The following HERC2 variants were observed in gnomAD, a reference collection of about 807,000 sequenced individuals.
The protein encoded by HERC2 is E3 ubiquitin-protein ligase HERC2.
In HERC2, 102 loss-of-function variants were observed where a neutral mutation model predicts 537.7. The ratio of observed to expected loss-of-function variants is 0.19; its 90% CI spans 0.16 to 0.22. HERC2 has a LOEUF of 0.22. HERC2 is among the 10% of genes least tolerant of loss of function. The probability of loss-of-function intolerance (pLI) is 1.00; values close to 1 mark genes in which losing one functional copy is unlikely to be tolerated. For synonymous variants in HERC2, 2,224 were observed against 2,466.2 expected, an observed-to-expected ratio of 0.90 and a Z score of 2.91; for missense variants, 4,236 against 6,198.2, an observed-to-expected ratio of 0.68 and a Z score of 10.63.
intron 78 of HERC2, among the ~76,000 whole-genome samples, chr15:28,138,704 T>C (rs999258825): frequency 4.6e-5 from 7 of 152,252 alleles, no homozygotes; most frequent in Non-Finnish European, 8.8e-5. Context: ...TAACACATCA[T>C]TTTTTCTGCA....
rs747902035 is a variant in HERC2 at position 28,167,842 on chromosome 15, C to T, written c.10414-15G>A. 4.4e-6 allele frequency: 7 copies of T among 1,596,608 alleles called. No homozygotes were observed. The highest frequency in any genetic ancestry group is 2.2e-5 in the East Asian group (1 of 44,674). ...GAGGAAACAATCTAGTCCAAGAGTG[C>T]ACAGTAGGGGAAGTTTAAGTGGAAA... On this transcript the variant is annotated splice_polypyrimidine_tract_variant and intron_variant, in intron 67 of 92. Transcript: ENST00000261609.
intron 51 of HERC2, 37 bp downstream of exon 51, chr15:28,196,424 T>A: frequency 6.3e-7 from 1 of 1,576,836 alleles, no homozygotes; most frequent in Non-Finnish European, 8.7e-7. Flanking sequence ...AAACCATTCG[T>A]CCCAAAGCAA....
rs746750721 is a variant in HERC2, at chr15:28,213,864, G to C, written c.6664C>G (p.Gln2222Glu). The change falls in exon 42 of 93, where the codon CAA becomes GAA. Residue 2222 changes from glutamine to glutamate, a missense_variant. Gln to Glu is a conservative substitution (Grantham distance 29). Coordinates refer to ENST00000261609, the MANE Select transcript of HERC2 (RefSeq NM_004667.6). ...GIDGRLRLGG[Q>E]VMHDEFGEGT... Reference sequence around the variant, plus strand: ...TCTCCAAACTCATCGTGCATAACTTGACCGCCCAGGCGCAGGCGACCATCG... The same window carrying C: ...TCTCCAAACTCATCGTGCATAACTTCACCGCCCAGGCGCAGGCGACCATCG... 15 of 1,613,868 alleles carry C rather than the reference G, an allele frequency of 9.3e-6. No individual in the cohort carries two copies. The highest frequency in any genetic ancestry group is 1.3e-5 in the Non-Finnish European group (15 of 1,179,952).
chr15:28,185,779 T>C (rs1204133493), intron 56 of HERC2, among the ~76,000 whole-genome samples: 1 of 152,230 alleles, frequency 6.6e-6, no homozygotes, highest in Non-Finnish European at 1.5e-5. Context: ...AATGCTCCAA[T>C]GCAGACTCTC....
intron 2 of HERC2, among the ~76,000 whole-genome samples, chr15:28,306,677 C>T (rs1304957997): frequency 6.6e-6 from 1 of 152,180 alleles, no homozygotes; most frequent in African/African-American, 2.4e-5. Context: ...TGGTAAAATT[C>T]AGCAGTGAAG....
At chr15:28,282,976 CG>C (rs1277723805) in intron 4 of HERC2, among the ~76,000 whole-genome samples, 2 of 112,594 alleles carry the variant, frequency 1.8e-5, no homozygotes, top group Non-Finnish European at 3.2e-5. Flanking sequence ...AGGGATGGGA[CG>C]GGACGGGACT....
chr15:28,112,440 C>A (rs1381317003), intron 92 of HERC2, among the ~76,000 whole-genome samples: 1 of 152,214 alleles, frequency 6.6e-6, no homozygotes, highest in Non-Finnish European at 1.5e-5. Flanking sequence ...GAATTACTGA[C>A]CTTCTAAGAT....
chr15:28,157,834 G>A (rs574718930), intron 69 of HERC2, among the ~76,000 whole-genome samples: 4 of 152,212 alleles, frequency 2.6e-5, no homozygotes, highest in African/African-American at 9.6e-5. Context: ...TGTGATGTTA[G>A]GGTGTCAATT....
chr15:28,305,212 G>C (rs983831024), intron 2 of HERC2, among the ~76,000 whole-genome samples: 1 of 149,108 alleles, frequency 6.7e-6, no homozygotes, highest in Non-Finnish European at 1.5e-5. Flanking sequence ...ATGATTTATA[G>C]TCATTTGGGT....
chr15:28,175,565 C>T lies in HERC2; in HGVS notation c.9778G>A (p.Val3260Met), dbSNP rs1274471506. 16 of 1,614,072 alleles carry T rather than the reference C, an allele frequency of 9.9e-6. No individual in the cohort carries two copies. The highest frequency in any genetic ancestry group is 2.2e-5 in the East Asian group (1 of 44,880). Reference sequence around the variant, plus strand: ...TGCAGGGCCCCGACAGCCACATGCACGATCTTCTTCCCTCTCAGCCCTTCC... The same window carrying T: ...TGCAGGGCCCCGACAGCCACATGCATGATCTTCTTCCCTCTCAGCCCTTCC... ...VVEGLRGKKI[V>M]HVAVGALHCL... The change falls in exon 64 of 93, where the codon GTG becomes ATG. Residue 3260 changes from valine (V) to methionine (M), a missense_variant. By Grantham distance (21) the Val-to-Met change is conservative. This residue lies in a region of HERC2 where 93 missense variants were observed against 265.1 expected (regional missense o/e 0.35). Transcript: ENST00000261609.
chr15:28,250,938 C>T (rs2075055848), intron 20 of HERC2, among the ~76,000 whole-genome samples: 1 of 152,154 alleles, frequency 6.6e-6, no homozygotes, highest in Non-Finnish European at 1.5e-5. Context: ...TGTGTCTATT[C>T]TTTTTATTTT....
At chr15:28,316,986 A>G (rs557655869) in intron 2 of HERC2, among the ~76,000 whole-genome samples, 4 of 152,186 alleles carry the variant, frequency 2.6e-5, no homozygotes, top group Admixed American at 1.3e-4. Flanking sequence ...CATGTTGGCC[A>G]GGATGACCTC....
chr15:28,292,802 C>T lies in HERC2; in HGVS notation c.322+86G>A. On this transcript the variant is annotated intron_variant, in intron 4 of 92. Coordinates refer to ENST00000261609, the MANE Select transcript of HERC2 (RefSeq NM_004667.6). ...TATTTACTTTTTTTAAAATTGTTAC[C>T]AAAAAAATACTAAGAATCCATCCAA... is the stretch of plus-strand genomic sequence containing the variant. 6 of 1,341,814 alleles carry T rather than the reference C, an allele frequency of 4.5e-6. No homozygotes were observed. In the South Asian group the frequency reaches 5.3e-5, roughly 12 times the overall value. 83.1% of individuals were successfully genotyped at this position (1,341,814 alleles called of 1,614,324 possible). A position where few individuals can be genotyped will look rare whatever the true frequency, so the allele number is the denominator to read the frequency against.
chr15:28,310,889 A>C (rs1376859377), intron 2 of HERC2, among the ~76,000 whole-genome samples: 1 of 151,978 alleles, frequency 6.6e-6, no homozygotes, highest in Non-Finnish European at 1.5e-5. Context: ...CATCCCGGCT[A>C]ACACAGCGAA....
intron 35 of HERC2, among the ~76,000 whole-genome samples, chr15:28,225,559 G>A (rs777065519): frequency 2.0e-4 from 31 of 151,872 alleles, no homozygotes; most frequent in South Asian, 4.1e-4. Context: ...TTAGCTGGGC[G>A]TGGTGGCGCG....
In HERC2 at chr15:28,182,429, T is replaced by C; in HGVS notation, c.8909A>G (p.Asp2970Gly). ...GGAGCCTTTCAGCCCGCCCAGCTGG[T>C]CCTTGTCATTCAGGCCCCACACAAA... ...KVFVWGLNDK[D>G]QLGGLKGSKI... Residue 2970 changes from aspartate (D) to glycine (G), a missense_variant, in exon 57 of 93, where the codon GAC becomes GGC. This residue lies in a region of HERC2 where 606 missense variants were observed against 884.5 expected (regional missense o/e 0.69). Transcript: ENST00000261609. The C allele has an allele frequency of 1.2e-6, 2 of 1,613,692 alleles. No homozygotes were observed. Among genetic ancestry groups the C allele is most frequent in the Non-Finnish European group, 1.7e-6 (2 of 1,179,924 alleles).
intron 2 of HERC2, among the ~76,000 whole-genome samples, chr15:28,308,648 T>G (rs2076857778): frequency 6.6e-6 from 1 of 152,256 alleles, no homozygotes; most frequent in Admixed American, 6.5e-5. Context: ...GGAAAGACTT[T>G]CAGTTTTTCA....
At chr15:28,153,091 C>T (rs1322005582) in intron 69 of HERC2, among the ~76,000 whole-genome samples, 2 of 152,232 alleles carry the variant, frequency 1.3e-5, no homozygotes, top group Non-Finnish European at 2.9e-5. Flanking sequence ...CGGTGGCTCA[C>T]GCCTGGAATC....
At chr15:28,190,190 T>A (rs1416525291) in intron 55 of HERC2, 1 of 149,424 alleles carries the variant, frequency 6.7e-6, no homozygotes, top group Non-Finnish European at 1.5e-5. Context: ...TTTTTTTTTT[T>A]TTTTTTTTTT....
Sources: allele counts gnomAD v4.1 joint callset (sites outside exome capture counted in the v4.1 genomes callset), GRCh38; gene constraint gnomAD v4.1.1; regional missense constraint gnomAD v4.1.1; transcripts MANE v1.5; gene names NCBI Gene and HGNC (gene_info 2026-07-23, HGNC 2026-07-21).